The following LIG4 variants were observed in gnomAD, a reference collection of about 807,000 sequenced individuals.
The protein encoded by LIG4 is DNA joinase.
LIG4 carries 13 observed loss-of-function variants against 19.0 expected under a neutral mutation model. The observed-to-expected ratio is 0.68, with a 90% CI of 0.44 to 1.09. LIG4 has a LOEUF of 1.09. Among genes scored for constraint, LIG4 ranks in the 50% least tolerant of loss-of-function variants. The pLI is 0.00. For missense variants in LIG4, 1,026 were observed against 1,089.7 expected (o/e 0.94, Z 0.82); for synonymous variants, 361 against 358.2 (o/e 1.01, Z -0.09).
At position 108,210,786 on chromosome 13, in the gene LIG4, A is replaced by G; in HGVS notation, c.483T>C (p.Ala161=). 1 of 1,614,002 alleles carries G rather than the reference A, an allele frequency of 6.2e-7. No individual in the cohort carries two copies. Among genetic ancestry groups the G allele is most frequent in the East Asian group, 2.2e-5 (1 of 44,870 alleles). Residue 161 remains alanine, a synonymous_variant, in exon 3 of 3, where the codon GCT becomes GCC. Transcript: ENST00000442234. ...TCTTTTTTATTAGGTCTTTTCTTTT[A>G]GCAGAATTATTGCTGGCAATTGAGT... ...LLDSIASNNS[A]KRKDLIKKSL... is the part of the protein sequence containing the mutation.
At position 108,210,013 on chromosome 13, in the gene LIG4, T is replaced by C; in HGVS notation, c.1256A>G (p.Asn419Ser). 6.2e-7 allele frequency: 1 copy of C among 1,612,226 alleles called. No homozygotes were observed. The change falls in exon 3 of 3, where the codon AAT becomes AGT. Residue 419 changes from asparagine (N) to serine (S), a missense_variant. Physicochemically the swap from Asn to Ser is conservative, Grantham distance 46 (BLOSUM62 1). Around this residue, in one of 3 missense-constraint regions of LIG4, gnomAD observed 493 missense variants for 544.5 expected, o/e 0.91. Coordinates refer to ENST00000442234, the MANE Select transcript of LIG4 (RefSeq NM_206937.2). ...CTCTTCTCTTTTATCTATTGCTTCA[T>C]TCAATGCATCAATTACTTCATTCTT... The part of the protein sequence containing the change: ...HTKNEVIDAL[N>S]EAIDKREEGI...
At position 108,210,201 on chromosome 13, in the gene LIG4, C is replaced by T. The variant is rs746602134; in HGVS notation, c.1068G>A (p.Glu356=). The change falls in exon 3 of 3, where the codon GAG becomes GAA. Residue 356 remains glutamate (E), a synonymous_variant. Coordinates refer to ENST00000442234, the MANE Select transcript of LIG4 (RefSeq NM_206937.2). ...GTKFDIKRMV[E]DSDLQTCYCV... ...AATAACAAGTTTGCAGATCAGAATC[C>T]TCTACCATTCTTTTAATATCAAACT... is the stretch of plus-strand genomic sequence containing the variant. The T allele has an allele frequency of 1.2e-6, 2 of 1,613,658 alleles. No individual in the cohort carries two copies. The highest frequency in any genetic ancestry group is 1.1e-5 in the South Asian group (1 of 91,076).
rs1265762541 is a variant in LIG4, at chr13:108,210,786, A to C, written c.483T>G (p.Ala161=). ...LLDSIASNNS[A]KRKDLIKKSL... ...TCTTTTTTATTAGGTCTTTTCTTTT[A>C]GCAGAATTATTGCTGGCAATTGAGT... Residue 161 remains alanine (A), a synonymous_variant, in exon 3 of 3, where the codon GCT becomes GCG. Transcript: ENST00000442234. The C allele has an allele frequency of 1.9e-6, 3 of 1,613,884 alleles. No individual in the cohort carries two copies. Among genetic ancestry groups the C allele is most frequent in the Non-Finnish European group, 2.5e-6 (3 of 1,179,966 alleles).
chr13:108,214,521 G>C lies in LIG4; in HGVS notation c.-29+17C>G, dbSNP rs78405881. On this transcript the variant is annotated intron_variant, in intron 2 of 2. Coordinates refer to ENST00000442234, the MANE Select transcript of LIG4 (RefSeq NM_206937.2). ...CCCCTACTCTCCCCCAACCCTTCAC[G>C]GATTCCCAGTGAATACCTGGCCTCG... 34 of 151,766 alleles carry C rather than the reference G, an allele frequency of 2.2e-4. No individual in the cohort carries two copies. The highest frequency in any genetic ancestry group is 8.2e-4 in the African/African-American group (34 of 41,280). The allele number at this position is 151,766 out of a possible 1,614,324, so 9.4% of individuals were successfully genotyped here.
At position 108,211,240 on chromosome 13, in the gene LIG4, A is replaced by G. The variant is rs1333581859; in HGVS notation, c.29T>C (p.Val10Ala). The G allele has an allele frequency of 1.6e-5, 26 of 1,612,858 alleles. No homozygotes were observed. The highest frequency in any genetic ancestry group is 2.2e-5 in the Non-Finnish European group (26 of 1,179,902). Residue 10 changes from valine (V) to alanine (A), a missense_variant, in exon 3 of 3, where the codon GTT becomes GCT. By Grantham distance (64) the Val-to-Ala change is moderately conservative (BLOSUM62 0). Around this residue, in one of 3 missense-constraint regions of LIG4, gnomAD observed 493 missense variants for 544.5 expected, o/e 0.91. Transcript: ENST00000442234. ...ATCTGCAAAAGGAACGTGAGATGCAACAGTTTGTGAAGTTTGTGAGGCAGC... is the reference window on the plus strand; with the variant it reads ...ATCTGCAAAAGGAACGTGAGATGCAGCAGTTTGTGAAGTTTGTGAGGCAGC... MAASQTSQT[V>A]ASHVPFADLC...
chr13:108,211,048 T>C lies in LIG4; in HGVS notation c.221A>G (p.Gln74Arg). 1 of 1,601,670 alleles carries C rather than the reference T, an allele frequency of 6.2e-7. No homozygotes were observed. The highest frequency in any genetic ancestry group is 8.5e-7 in the Non-Finnish European group (1 of 1,174,582). Residue 74 changes from glutamine (Q) to arginine (R), a missense_variant, in exon 3 of 3, where the codon CAG (glutamine) becomes CGG (arginine). Gln to Arg is a conservative substitution (Grantham distance 43). Around this residue, in one of 3 missense-constraint regions of LIG4, gnomAD observed 493 missense variants for 544.5 expected, o/e 0.91. Coordinates refer to ENST00000442234, the MANE Select transcript of LIG4 (RefSeq NM_206937.2). The stretch of plus-strand genomic sequence containing the variant: ...ATAGGCCATTCTCTCTCTTTCTAGC[T>C]GAGGAAGAATTAGTCTCATTGCTGG... ...FYPAMRLILP[Q>R]LERERMAYGI...
chr13:108,210,158 T>G lies in LIG4; in HGVS notation c.1111A>C (p.Met371Leu), dbSNP rs753025101. The change falls in exon 3 of 3, where the codon ATG becomes CTG. Residue 371 changes from methionine (M) to leucine (L), a missense_variant. Coordinates refer to ENST00000442234, the MANE Select transcript of LIG4 (RefSeq NM_206937.2). Reference sequence around the variant, plus strand: ...TGCCCTAGCTTTTTATTATTAACCATCAATACATCAAAAACACAATAACAA... The same window carrying G: ...TGCCCTAGCTTTTTATTATTAACCAGCAATACATCAAAAACACAATAACAA... ...QTCYCVFDVLMVNNKKLGHET... is the reference protein window; with the variant it reads ...QTCYCVFDVLLVNNKKLGHET... The G allele has an allele frequency of 6.2e-7, 1 of 1,613,818 alleles. No individual in the cohort carries two copies. The highest frequency in any genetic ancestry group is 1.1e-5 in the South Asian group (1 of 91,072).
chr13:108,213,388 G>T (rs969644351), intron 2 of LIG4, among the ~76,000 whole-genome samples: 1 of 152,098 alleles, frequency 6.6e-6, no homozygotes, highest in Non-Finnish European at 1.5e-5. Context: ...ATTCTACATG[G>T]TCTCAAAGTT....
chr13:108,209,657 T>C lies in LIG4; in HGVS notation c.1612A>G (p.Ile538Val). 1 of 1,614,182 alleles carries C rather than the reference T, an allele frequency of 6.2e-7. No homozygotes were observed. The highest frequency in any genetic ancestry group is 1.7e-5 in the Admixed American group (1 of 60,028). Residue 538 changes from isoleucine to valine, a missense_variant, in exon 3 of 3, where the codon ATT (isoleucine) becomes GTT (valine). Coordinates refer to ENST00000442234, the MANE Select transcript of LIG4 (RefSeq NM_206937.2). The part of the protein sequence containing the change: ...PFHRKAPPSS[I>V]LCGTEKPEVY... Reference sequence around the variant, plus strand: ...TCTGGCTTCTCTGTTCCACATAAAATGCTGCTTGGTGGAGCTTTTCTATGA... The same window carrying C: ...TCTGGCTTCTCTGTTCCACATAAAACGCTGCTTGGTGGAGCTTTTCTATGA...
At chr13:108,214,489 C>G (rs745777285) in intron 2 of LIG4, 49 bp downstream of exon 2, 5 of 152,192 alleles carry the variant, frequency 3.3e-5, no homozygotes, top group Non-Finnish European at 7.3e-5. Context: ...CATTCCTCTG[C>G]CCGTTCCCCC....
In LIG4 at chr13:108,208,803, C is replaced by G; in HGVS notation, c.2466G>C (p.Ser822=). Residue 822 remains serine, a synonymous_variant, in exon 3 of 3, where the codon TCG becomes TCC. Coordinates refer to ENST00000442234, the MANE Select transcript of LIG4 (RefSeq NM_206937.2). ...TACTCAGGTCATTAATAACAGCATA[C>G]GAGTCCAAATAAACGGTGTGGCGTC... The part of the protein sequence containing the change: ...MFRRHTVYLD[S]YAVINDLSTK... The G allele has an allele frequency of 1.2e-6, 2 of 1,614,106 alleles. No homozygotes were observed. Among genetic ancestry groups the G allele is most frequent in the Admixed American group, 1.7e-5 (1 of 60,016 alleles).
rs1878519920 is a variant in LIG4 at position 108,210,429 on chromosome 13, T to G, written c.840A>C (p.Gln280His). 6.2e-7 allele frequency: 1 copy of G among 1,613,534 alleles called. No homozygotes were observed. The highest frequency in any genetic ancestry group is 8.5e-7 in the Non-Finnish European group (1 of 1,179,896). The part of the protein sequence containing the change: ...IETKLDGERM[Q>H]MHKDGDVYKY... ...TATATACATCTCCATCTTTGTGCAT[T>G]TGCATACGTTCACCATCTAGCTTGG... The change falls in exon 3 of 3, where the codon CAA (glutamine) becomes CAC (histidine). Residue 280 changes from glutamine (Q) to histidine (H), a missense_variant. This residue lies in a region of LIG4 where 493 missense variants were observed against 544.5 expected (regional missense o/e 0.91). Transcript: ENST00000442234.
Position 108,210,418 on chromosome 13 carries a change from T to A in LIG4, c.851A>T (p.Asp284Val). ...LDGERMQMHKDGDVYKYFSRN... is the reference protein window; with the variant it reads ...LDGERMQMHKVGDVYKYFSRN... ...AGAGAAGTATTTATATACATCTCCA[T>A]CTTTGTGCATTTGCATACGTTCACC... The change falls in exon 3 of 3, where the codon GAT becomes GTT. Residue 284 changes from aspartate (D) to valine (V), a missense_variant. Asp to Val is a radical substitution (Grantham distance 152). This residue lies in a region of LIG4 where 493 missense variants were observed against 544.5 expected (regional missense o/e 0.91). Transcript: ENST00000442234. 3 of 1,613,628 alleles carry A rather than the reference T, an allele frequency of 1.9e-6. No homozygotes were observed. Among genetic ancestry groups the A allele is most frequent in the South Asian group, 1.1e-5 (1 of 91,072 alleles).
chr13:108,215,904 A>G (rs1879265849), upstream of LIG4, among the ~76,000 whole-genome samples: 1 of 152,216 alleles, frequency 6.6e-6, no homozygotes, highest in Admixed American at 6.5e-5. Flanking sequence ...AAGAGAGAAC[A>G]GGACATCCTC....
Position 108,208,319 on chromosome 13 carries a change from G to A in LIG4, c.*214C>T. The A allele has an allele frequency of 2.1e-6, 1 of 472,822 alleles. No homozygotes were observed. The highest frequency in any genetic ancestry group is 2.5e-5 in the South Asian group (1 of 40,036). 29.3% of individuals were successfully genotyped at this position (472,822 alleles called of 1,614,324 possible). The stretch of plus-strand genomic sequence containing the variant: ...TTCACCTTGATCATAAAAAATCATT[G>A]AATACTACATTCAAGATAATTTTTC... On this transcript the variant is annotated 3_prime_UTR_variant, in exon 3 of 3. Transcript: ENST00000442234.
chr13:108,208,569 C>T lies in LIG4; in HGVS notation c.2700G>A (p.Lys900=). The part of the protein sequence containing the change: ...KESWVTDSID[K]CELQEENQYL... ...ACTGGTTTTCTTCTTGTAATTCACACTTGTCTATTGAATCAGTTACCCAAC... is the reference window on the plus strand; with the variant it reads ...ACTGGTTTTCTTCTTGTAATTCACATTTGTCTATTGAATCAGTTACCCAAC... Residue 900 remains lysine, a synonymous_variant, in exon 3 of 3, where the codon AAG becomes AAA. Transcript: ENST00000442234. 1 of 1,612,574 alleles carries T rather than the reference C, an allele frequency of 6.2e-7. No homozygotes were observed.
chr13:108,212,373 T>C (rs1185931531), intron 2 of LIG4, among the ~76,000 whole-genome samples: 1 of 152,146 alleles, frequency 6.6e-6, no homozygotes, highest in Non-Finnish European at 1.5e-5. Flanking sequence ...GCAAGAATAT[T>C]TCCTAAAATT....
chr13:108,216,879 TTTAGTTGATTGGTTCAAAGACA>T (rs1463611286), upstream of LIG4, among the ~76,000 whole-genome samples: 3 of 152,078 alleles, frequency 2.0e-5, no homozygotes, highest in African/African-American at 2.4e-5. Context: ...ATCATGTTAT[TTTAGTTGATTGGTTCAAAGACA>T]ATCAAGGGTT....
chr13:108,213,551 C>T (rs1039909212), intron 2 of LIG4, among the ~76,000 whole-genome samples: 5 of 152,310 alleles, frequency 3.3e-5, no homozygotes, highest in East Asian at 1.9e-4. Context: ...TATTTTTGCT[C>T]ATTACAACGG....
Sources: gnomAD v4.1 joint callset for allele counts (sites outside exome capture counted in the v4.1 genomes callset) on GRCh38, gnomAD v4.1.1 for gene constraint, gnomAD v4.1.1 regional missense constraint, MANE v1.5 for transcripts, NCBI Gene and HGNC (gene_info 2026-07-23, HGNC 2026-07-21) for gene names.